KCTD10: variants seen among roughly 807,000 people sequenced by gnomAD.
KCTD10 encodes potassium channel tetramerization domain containing 10, also known as BTB/POZ domain-containing adapter for CUL3-mediated RhoA degradation protein 3.
A neutral mutation model predicts 34.6 loss-of-function variants in KCTD10; 13 were observed. The observed-to-expected ratio is 0.38, with a 90% CI of 0.24 to 0.60. The LOEUF (loss-of-function observed/expected upper bound fraction) is 0.60. Ranked by LOEUF, KCTD10 falls within the 20% of genes least tolerant of loss-of-function variation. The probability of loss-of-function intolerance (pLI) is 0.66; values close to 1 mark genes in which losing one functional copy is unlikely to be tolerated. For missense variants in KCTD10, 256 were observed against 420.3 expected (o/e 0.61, Z 3.42); for synonymous variants, 156 against 168.8 (o/e 0.92, Z 0.59).
At position 109,451,293 on chromosome 12, in the gene KCTD10, C is replaced by T. The variant is rs533792780; in HGVS notation, c.*302G>A. ...TATTGCAAACAAAAGTTCTCACATA[C>T]ACTTCACACTCATTCATACTTTTCC... On this transcript the variant is annotated 3_prime_UTR_variant, in exon 7 of 7. Transcript: ENST00000228495. The surrounding 1 kb of genome is among the most constrained non-coding windows in gnomAD (Gnocchi z 5.0). The T allele has an allele frequency of 1.1e-5, 4 of 356,718 alleles. No individual in the cohort carries two copies. The highest frequency in any genetic ancestry group is 7.3e-4 in the Middle Eastern group (1 of 1,376). The allele number at this position is 356,718 out of a possible 1,614,324, so 22.1% of individuals were successfully genotyped here.
chr12:109,452,845 C>CTTTTTTTTTTTTTTTT (rs746503433), intron 6 of KCTD10, among the ~76,000 whole-genome samples: 8 of 143,764 alleles, frequency 5.6e-5, no homozygotes, highest in African/African-American at 8.0e-5. Flanking sequence ...GTTTTCTTTC[C>CTTTTTTTTTTTTTTTT]TTTTTTTTTA....
intron 5 of KCTD10, chr12:109,456,889 T>TACC (rs1873046179): frequency 6.3e-6 from 1 of 158,126 alleles, no homozygotes; most frequent in African/African-American, 2.4e-5. Flanking sequence ...AACATAGAAT[T>TACC]ACCACATGAC....
Position 109,450,492 on chromosome 12 carries a change from T to G in KCTD10, c.*1103A>C, listed in dbSNP as rs1872718446. 1 of 398,372 alleles carries G rather than the reference T, an allele frequency of 2.5e-6. No homozygotes were observed. The highest frequency in any genetic ancestry group is 4.4e-6 in the Non-Finnish European group (1 of 226,100). 24.7% of individuals were successfully genotyped at this position (398,372 alleles called of 1,614,324 possible). A position where few individuals can be genotyped will look rare whatever the true frequency, so the allele number is the denominator to read the frequency against. On this transcript the variant is annotated 3_prime_UTR_variant, in exon 7 of 7. Coordinates refer to ENST00000228495, the MANE Select transcript of KCTD10 (RefSeq NM_031954.5). ...CCTCAACCTGTTCACTGCTGGCCAC[T>G]CTACACTGTGTAAAAATCAGAGGCA...
At position 109,449,330 on chromosome 12, in the gene KCTD10, T is replaced by A. The variant is rs574404352; in HGVS notation, c.*2265A>T. 1 of 152,182 alleles carries A rather than the reference T, an allele frequency of 6.6e-6. No individual in the cohort carries two copies. Among genetic ancestry groups the A allele is most frequent in the Non-Finnish European group, 1.5e-5 (1 of 68,042 alleles). The allele number at this position is 152,182 out of a possible 1,614,324, so 9.4% of individuals were successfully genotyped here. A position where few individuals can be genotyped will look rare whatever the true frequency, so the allele number is the denominator to read the frequency against. ...AGAGACAAAGACTCAAAACTACAAG[T>A]GCAAAGTTGGGTAGAGAGAGCTGCC... is the stretch of plus-strand genomic sequence containing the variant. On this transcript the variant is annotated 3_prime_UTR_variant, in exon 7 of 7. Coordinates refer to ENST00000228495, the MANE Select transcript of KCTD10 (RefSeq NM_031954.5).
intron 6 of KCTD10, among the ~76,000 whole-genome samples, chr12:109,452,487 GTCCCACACATT>G (rs1872821307): frequency 1.3e-5 from 2 of 152,300 alleles, no homozygotes; most frequent in East Asian, 3.9e-4. Context: ...ACATAAGCAG[GTCCCACACATT>G]TGATCAGACT....
In KCTD10 at chr12:109,449,082, CA is replaced by C. The variant is rs1488511957; in HGVS notation, c.*2512del. The C allele has an allele frequency of 1.3e-5, 2 of 152,154 alleles. No individual in the cohort carries two copies. Among genetic ancestry groups the C allele is most frequent in the Admixed American group, 6.5e-5 (1 of 15,286 alleles). The allele number at this position is 152,154 out of a possible 1,614,324, so 9.4% of individuals were successfully genotyped here. On this transcript the variant is annotated 3_prime_UTR_variant, in exon 7 of 7. Coordinates refer to ENST00000228495, the MANE Select transcript of KCTD10 (RefSeq NM_031954.5). ...GTAAAAAACTGTAGTTATTACATTG[CA>C]ATGAAATCTCTTTACCAAATCTTGG...
chr12:109,476,471 C>T (rs1170481980), intron 1 of KCTD10, among the ~76,000 whole-genome samples: 1 of 152,122 alleles, frequency 6.6e-6, no homozygotes, highest in African/African-American at 2.4e-5. Context: ...GGAACAGACC[C>T]TTGAGGATCC....
chr12:109,451,657 T>TCCGCTC lies in KCTD10; in HGVS notation c.874_879dup (p.Glu292_Arg293dup). The TCCGCTC allele has an allele frequency of 2.5e-6, 4 of 1,613,306 alleles. No homozygotes were observed. Among genetic ancestry groups the TCCGCTC allele is most frequent in the Non-Finnish European group, 3.4e-6 (4 of 1,179,846 alleles). On this transcript the variant is annotated inframe_insertion, in exon 7 of 7. Transcript: ENST00000228495. This position sits in a 1 kb window ranked among gnomAD's most constrained non-coding sequence, Gnocchi z 5.0. Reference sequence around the variant, plus strand: ...ATGTGGATCCTCCGCACGCGCTCGATCCGCTCCCGCTCCTCGTCCTCGTCC... The same window carrying TCCGCTC: ...ATGTGGATCCTCCGCACGCGCTCGATCCGCTCCCGCTCCCGCTCCTCGTCCTCGTCC...
chr12:109,466,239 T>A (rs1873579760), intron 2 of KCTD10, among the ~76,000 whole-genome samples: 1 of 152,160 alleles, frequency 6.6e-6, no homozygotes, highest in South Asian at 2.1e-4. Flanking sequence ...GACCTGCTTC[T>A]CTGTAGCCCC....
At chr12:109,463,307 C>T (rs953291810) in intron 2 of KCTD10, among the ~76,000 whole-genome samples, 1 of 152,104 alleles carries the variant, frequency 6.6e-6, no homozygotes, top group Non-Finnish European at 1.5e-5. Flanking sequence ...TCAAGAATGC[C>T]GTCAGGAAAT....
At chr12:109,464,947 T>C in intron 2 of KCTD10, 1 of 439,896 alleles carries the variant, frequency 2.3e-6, no homozygotes, top group South Asian at 1.6e-5. Flanking sequence ...ACTCTAGGGC[T>C]GAGCTCCCAA....
At chr12:109,468,576 CT>C (rs1363415058) in intron 2 of KCTD10, among the ~76,000 whole-genome samples, 1 of 151,988 alleles carries the variant, frequency 6.6e-6, no homozygotes, top group Non-Finnish European at 1.5e-5. Flanking sequence ...GGATGGAGCC[CT>C]GTTGTCAGGG....
intron 1 of KCTD10, among the ~76,000 whole-genome samples, chr12:109,471,941 T>C (rs1873910336): frequency 6.6e-6 from 1 of 152,182 alleles, no homozygotes. Context: ...GAAGGATTTT[T>C]TTCTAATGGC....
At position 109,451,410 on chromosome 12, in the gene KCTD10, T is replaced by C. The variant is rs1872759283; in HGVS notation, c.*185A>G. 1 of 582,912 alleles carries C rather than the reference T, an allele frequency of 1.7e-6. No homozygotes were observed. The highest frequency in any genetic ancestry group is 3.0e-6 in the Non-Finnish European group (1 of 337,732). 36.1% of individuals were successfully genotyped at this position (582,912 alleles called of 1,614,324 possible). The stretch of plus-strand genomic sequence containing the variant: ...ACAGCTTGTTCAACGACAGGGGTCA[T>C]ACGCCTGGGTCAAGACAATCAATTT... On this transcript the variant is annotated 3_prime_UTR_variant, in exon 7 of 7. Transcript: ENST00000228495. The surrounding 1 kb of genome is among the most constrained non-coding windows in gnomAD (Gnocchi z 5.0).
chr12:109,467,873 G>A (rs950862754), intron 2 of KCTD10, among the ~76,000 whole-genome samples: 1 of 152,184 alleles, frequency 6.6e-6, no homozygotes, highest in African/African-American at 2.4e-5. Context: ...GGGGGACAGA[G>A]GAGTCCGTTT....
intron 2 of KCTD10, among the ~76,000 whole-genome samples, chr12:109,468,787 G>T (rs1302456863): frequency 2.6e-5 from 4 of 151,780 alleles, no homozygotes; most frequent in Non-Finnish European, 5.9e-5. Context: ...CGAGTAGCTG[G>T]GACTACAGGC....
At position 109,469,617 on chromosome 12, in the gene KCTD10, C is replaced by T; in HGVS notation, c.115G>A (p.Gly39Ser). 1.2e-6 allele frequency: 2 copies of T among 1,614,200 alleles called. No individual in the cohort carries two copies. Among genetic ancestry groups the T allele is most frequent in the South Asian group, 1.1e-5 (1 of 91,090 alleles). Residue 39 changes from glycine to serine, a missense_variant, in exon 2 of 7, where the codon GGT becomes AGT. Around this residue, in one of 3 missense-constraint regions of KCTD10, gnomAD observed 155 missense variants for 207.0 expected, o/e 0.75. Coordinates refer to ENST00000228495, the MANE Select transcript of KCTD10 (RefSeq NM_031954.5). ...PSSKYVKLNVGGALYYTTMQT... is the reference protein window; with the variant it reads ...PSSKYVKLNVSGALYYTTMQT... ...ATGGTGGTATAGTAGAGGGCTCCAC[C>T]CACATTCAGCTTCACGTATTTGGAG...
At chr12:109,453,331 A>C (rs547567673) in intron 6 of KCTD10, among the ~76,000 whole-genome samples, 1 of 152,090 alleles carries the variant, frequency 6.6e-6, no homozygotes, top group South Asian at 2.1e-4. Context: ...TTTAGACTAC[A>C]GGCACACACC....
At chr12:109,465,617 G>A (rs1383627235) in intron 2 of KCTD10, among the ~76,000 whole-genome samples, 4 of 152,180 alleles carry the variant, frequency 2.6e-5, no homozygotes, top group Non-Finnish European at 5.9e-5. Context: ...AACAGAGAAG[G>A]CACAAAGGGG....
Sources: allele counts gnomAD v4.1 joint callset (sites outside exome capture counted in the v4.1 genomes callset), GRCh38; gene constraint gnomAD v4.1.1; regional missense constraint gnomAD v4.1.1; non-coding constraint Gnocchi (gnomAD v3.1); transcripts MANE v1.5; gene names NCBI Gene and HGNC (gene_info 2026-07-23, HGNC 2026-07-21).